The following SPATA16 variants were observed in gnomAD, a reference collection of about 807,000 sequenced individuals.
SPATA16 encodes spermatogenesis associated 16.
Under a neutral mutation model 63.3 loss-of-function variants are expected in SPATA16, and 36 were observed. The observed-to-expected ratio is 0.57, with a 90% CI of 0.44 to 0.75. The LOEUF (loss-of-function observed/expected upper bound fraction) is 0.75, where lower values mean the gene tolerates loss of function less well. Ranked by LOEUF, SPATA16 falls within the 30% of genes least tolerant of loss-of-function variation. The pLI is 0.00. For missense variants in SPATA16, 646 were observed against 679.3 expected (o/e 0.95, Z 0.54); for synonymous variants, 203 against 216.7 (o/e 0.94, Z 0.56).
In SPATA16 at chr3:172,957,173, G is replaced by T. The variant is rs1733617143; in HGVS notation, c.934-349C>A. ...ATTATAATTAACTTACTCTTGAGCA[G>T]ACATTGGTGAGCAATTTGTATATGG... is the stretch of plus-strand genomic sequence containing the variant. On this transcript the variant is annotated intron_variant, in intron 5 of 10. Coordinates refer to ENST00000351008, the MANE Select transcript of SPATA16 (RefSeq NM_031955.6). 2.6e-5 allele frequency among the ~76,000 whole-genome samples: 4 copies of T among 152,236 alleles called. No individual in the cohort carries two copies. The South Asian group carries it at 8.3e-4, about 32-fold the overall frequency.
At chr3:173,122,511 T>TA (rs1163998211) in intron 1 of SPATA16, among the ~76,000 whole-genome samples, 83 of 146,270 alleles carry the variant, frequency 5.7e-4, no homozygotes, top group African/African-American at 1.5e-3. Flanking sequence ...TTTCTTTCTT[T>TA]AAAAAAAAAA....
chr3:173,027,171 C>T lies in SPATA16; in HGVS notation c.759-7596G>A, dbSNP rs114555332. The stretch of plus-strand genomic sequence containing the variant: ...TCCAAACATTTGATATTTTTTGTTG[C>T]TCTTATAATTGGCAATGATTTTTAA... On this transcript the variant is annotated intron_variant, in intron 3 of 10. Transcript: ENST00000351008. Among the ~76,000 whole-genome samples the T allele has an allele frequency of 5.6e-3, 858 of 151,958 alleles. 10 individuals carry two copies. The highest frequency in any genetic ancestry group is 0.02 in the African/African-American group (813 of 41,534).
At chr3:173,136,075 A>G (rs1332475938) in intron 1 of SPATA16, among the ~76,000 whole-genome samples, 1 of 152,230 alleles carries the variant, frequency 6.6e-6, no homozygotes, top group African/African-American at 2.4e-5. Flanking sequence ...AATATAAGCA[A>G]GAAGGCAGGG....
At chr3:173,068,074 T>C (rs1172879419) in intron 2 of SPATA16, among the ~76,000 whole-genome samples, 1 of 147,184 alleles carries the variant, frequency 6.8e-6, no homozygotes, top group Non-Finnish European at 1.5e-5. Flanking sequence ...TCTAGGCTGG[T>C]CTTAAAAGAA....
chr3:173,079,461 C>T (rs1736878543), intron 2 of SPATA16, among the ~76,000 whole-genome samples: 1 of 152,022 alleles, frequency 6.6e-6, no homozygotes, highest in South Asian at 2.1e-4. Context: ...TTCCCTTTTC[C>T]AGAGGGTTAC....
intron 2 of SPATA16, among the ~76,000 whole-genome samples, chr3:173,053,318 A>C (rs1736144480): frequency 6.6e-6 from 1 of 152,146 alleles, no homozygotes; most frequent in South Asian, 2.1e-4. Context: ...CAGAGTTTGC[A>C]GTGAGCCAAG....
chr3:173,127,006 T>G (rs1738244782), intron 1 of SPATA16, among the ~76,000 whole-genome samples: 1 of 152,224 alleles, frequency 6.6e-6, no homozygotes, highest in Non-Finnish European at 1.5e-5. Flanking sequence ...TGTTTTAAAG[T>G]TAAAGCTACT....
chr3:173,078,419 A>G (rs920133794), intron 2 of SPATA16, among the ~76,000 whole-genome samples: 18 of 152,314 alleles, frequency 1.2e-4, no homozygotes, highest in African/African-American at 4.1e-4. Context: ...AAACAGAGTT[A>G]AAAGCATCAT....
intron 2 of SPATA16, among the ~76,000 whole-genome samples, chr3:173,083,376 T>G (rs1736968633): frequency 6.6e-6 from 1 of 152,170 alleles, no homozygotes; most frequent in Non-Finnish European, 1.5e-5. Flanking sequence ...AGAGTACTAT[T>G]AAGCCAATGA....
At chr3:172,980,050 T>G (rs1206671383) in intron 4 of SPATA16, among the ~76,000 whole-genome samples, 3 of 152,218 alleles carry the variant, frequency 2.0e-5, no homozygotes, top group African/African-American at 2.4e-5. Flanking sequence ...CTACCTGCCT[T>G]CCTTTGTCTG....
intron 2 of SPATA16, among the ~76,000 whole-genome samples, chr3:173,074,992 C>CAAAAAAAAA (rs35683679): frequency 4.5e-5 from 3 of 66,836 alleles, no homozygotes; most frequent in Admixed American, 1.8e-4. Context: ...GACTCTATCT[C>CAAAAAAAAA]AAAAAAAAAA....
At chr3:173,109,378 A>G (rs1737694210) in intron 2 of SPATA16, among the ~76,000 whole-genome samples, 1 of 152,184 alleles carries the variant, frequency 6.6e-6, no homozygotes, top group Admixed American at 6.6e-5. Context: ...GATGAGTCAG[A>G]CGGTGGGTGT....
intron 4 of SPATA16, among the ~76,000 whole-genome samples, chr3:172,996,535 A>C (rs1734696943): frequency 6.6e-6 from 1 of 152,130 alleles, no homozygotes. Flanking sequence ...TTGAGTGGAA[A>C]GTACAGAGTT....
At chr3:173,021,291 C>T (rs1735325235) in intron 3 of SPATA16, among the ~76,000 whole-genome samples, 1 of 152,132 alleles carries the variant, frequency 6.6e-6, no homozygotes, top group African/African-American at 2.4e-5. Flanking sequence ...TTTGGTTCTC[C>T]ATGTCTAGCC....
At position 173,019,473 on chromosome 3, in the gene SPATA16, A is replaced by T. The variant is rs1275968445; in HGVS notation, c.848+13T>A. 1.2e-6 allele frequency: 2 copies of T among 1,610,592 alleles called. No homozygotes were observed. The highest frequency in any genetic ancestry group is 1.7e-6 in the Non-Finnish European group (2 of 1,176,914). On this transcript the variant is annotated intron_variant, in intron 4 of 10. Transcript: ENST00000351008. ...CTTGATATAAATCCTCACAAAAGTT[A>T]AAACAAACATACCGGGCAGCCTCTG...
chr3:172,965,342 A>G (rs1733892656), intron 5 of SPATA16, among the ~76,000 whole-genome samples: 1 of 152,180 alleles, frequency 6.6e-6, no homozygotes, highest in Non-Finnish European at 1.5e-5. Context: ...TAGGATTCCA[A>G]ATATATGAAA....
At chr3:173,010,767 C>CA (rs1189323338) in intron 4 of SPATA16, among the ~76,000 whole-genome samples, 1 of 152,062 alleles carries the variant, frequency 6.6e-6, no homozygotes, top group Non-Finnish European at 1.5e-5. Context: ...AATCGTACCC[C>CA]ACAGGCCTGT....
intron 5 of SPATA16, among the ~76,000 whole-genome samples, chr3:172,963,386 C>G (rs1205731667): frequency 2.0e-5 from 3 of 151,870 alleles, no homozygotes; most frequent in Non-Finnish European, 4.4e-5. Flanking sequence ...GGGAAATGGA[C>G]TTTTATATAG....
chr3:173,127,279 A>G (rs1269616706), intron 1 of SPATA16, among the ~76,000 whole-genome samples: 1 of 152,086 alleles, frequency 6.6e-6, no homozygotes, highest in East Asian at 1.9e-4. Context: ...AAGCCTCATT[A>G]CCCCTTAAAG....
Sources: gnomAD v4.1 joint callset for allele counts (sites outside exome capture counted in the v4.1 genomes callset) on GRCh38, gnomAD v4.1.1 for gene constraint, MANE v1.5 for transcripts, NCBI Gene and HGNC (gene_info 2026-07-23, HGNC 2026-07-21) for gene names.